GNAQ: variants seen among roughly 807,000 people sequenced by gnomAD.
GNAQ encodes the protein guanine nucleotide-binding protein G(q) subunit alpha.
GNAQ carries 8 observed loss-of-function variants against 43.9 expected under a neutral mutation model. The ratio of observed to expected loss-of-function variants is 0.18; its 90% CI spans 0.11 to 0.33. GNAQ has a LOEUF of 0.33. Ranked by LOEUF, GNAQ falls within the 10% of genes least tolerant of loss-of-function variation. GNAQ has a pLI of 1.00. For missense variants in GNAQ, 158 were observed against 450.8 expected (o/e 0.35, Z 5.88); for synonymous variants, 155 against 170.7 (o/e 0.91, Z 0.71).
chr9:77,999,851 C>A (rs1361285430), intron 1 of GNAQ, among the ~76,000 whole-genome samples: 1 of 152,098 alleles, frequency 6.6e-6, no homozygotes, highest in East Asian at 1.9e-4. Context: ...GAGGAAAGAA[C>A]AACTTCCTAT....
chr9:77,777,559 C>T (rs1013926766), intron 5 of GNAQ, among the ~76,000 whole-genome samples: 2 of 151,962 alleles, frequency 1.3e-5, no homozygotes, highest in African/African-American at 4.8e-5. Context: ...GAAATCCCTA[C>T]AGAATATAAT....
intron 5 of GNAQ, among the ~76,000 whole-genome samples, chr9:77,776,052 A>G (rs1230363045): frequency 6.6e-6 from 1 of 152,228 alleles, no homozygotes; most frequent in East Asian, 1.9e-4. Context: ...GTCAATATCA[A>G]CTTTTTCAGA....
At chr9:77,912,752 T>C (rs181295289) in intron 2 of GNAQ, among the ~76,000 whole-genome samples, 2 of 152,266 alleles carry the variant, frequency 1.3e-5, no homozygotes, top group African/African-American at 4.8e-5. Context: ...GATAACCAAA[T>C]AGCCAGTAAA....
At chr9:77,819,064 C>T (rs1827068982) in intron 2 of GNAQ, among the ~76,000 whole-genome samples, 1 of 125,540 alleles carries the variant, frequency 8.0e-6, no homozygotes, top group Non-Finnish European at 1.7e-5. Flanking sequence ...TAATGAATCA[C>T]ATAAACAAAA....
intron 2 of GNAQ, among the ~76,000 whole-genome samples, chr9:77,823,906 A>T (rs1827152761): frequency 6.6e-6 from 1 of 152,216 alleles, no homozygotes; most frequent in Non-Finnish European, 1.5e-5. Flanking sequence ...TGACCAGCAA[A>T]TCTATTTTAT....
At chr9:77,960,273 T>C (rs1823091184) in intron 1 of GNAQ, among the ~76,000 whole-genome samples, 1 of 152,210 alleles carries the variant, frequency 6.6e-6, no homozygotes, top group African/African-American at 2.4e-5. Flanking sequence ...GGACTGATAT[T>C]GTTTGGTCAT....
rs75395914 is a variant in GNAQ, at chr9:77,964,360, A to G, written c.137-42015T>C. Among the ~76,000 whole-genome samples, 1,364 of 152,284 alleles carry G rather than the reference A, an allele frequency of 9.0e-3. 18 individuals carry two copies. The highest frequency in any genetic ancestry group is 0.031 in the African/African-American group (1,298 of 41,552). On this transcript the variant is annotated intron_variant, in intron 1 of 6. Coordinates refer to ENST00000286548, the MANE Select transcript of GNAQ (RefSeq NM_002072.5). ...ATACCCCTTTCTCAATACTTAATAG[A>G]TCAAGTAGAGAGAAAAGCAATAAAC...
At chr9:77,852,296 T>C (rs1411392460) in intron 2 of GNAQ, among the ~76,000 whole-genome samples, 1 of 152,242 alleles carries the variant, frequency 6.6e-6, no homozygotes, top group African/African-American at 2.4e-5. Flanking sequence ...TCTCAGTGCC[T>C]GCAGTGACGT....
At chr9:77,740,986 C>G (rs900127222) in intron 5 of GNAQ, among the ~76,000 whole-genome samples, 1 of 152,176 alleles carries the variant, frequency 6.6e-6, no homozygotes, top group African/African-American at 2.4e-5. Context: ...ATGAGTGTGG[C>G]TGGGTTCCAA....
intron 5 of GNAQ, among the ~76,000 whole-genome samples, chr9:77,765,367 T>TA (rs755221374): frequency 1.3e-5 from 2 of 152,178 alleles, no homozygotes; most frequent in Non-Finnish European, 2.9e-5. Context: ...ACATATCTGA[T>TA]AAGGGTTTAA....
chr9:77,936,965 T>C (rs1228571247), intron 1 of GNAQ, among the ~76,000 whole-genome samples: 1 of 152,260 alleles, frequency 6.6e-6, no homozygotes, highest in East Asian at 1.9e-4. Flanking sequence ...TGAAGTATTC[T>C]TCTTTCTTTT....
At chr9:78,010,772 G>C (rs1823764298) in intron 1 of GNAQ, among the ~76,000 whole-genome samples, 1 of 151,550 alleles carries the variant, frequency 6.6e-6, no homozygotes, top group Admixed American at 6.6e-5. Flanking sequence ...AACAGAAGCG[G>C]CTGAGTCTAC....
chr9:77,837,566 A>AT (rs1225464592), intron 2 of GNAQ, among the ~76,000 whole-genome samples: 6 of 151,860 alleles, frequency 4.0e-5, no homozygotes, highest in African/African-American at 9.7e-5. Context: ...AAATAAATAG[A>AT]TTTTTTTTAA....
intron 2 of GNAQ, among the ~76,000 whole-genome samples, chr9:77,919,250 T>A (rs1406022533): frequency 6.6e-6 from 1 of 152,132 alleles, no homozygotes; most frequent in Non-Finnish European, 1.5e-5. Flanking sequence ...AAAAGATGTA[T>A]TTTTTGAGCA....
At chr9:77,926,892 T>C (rs766841327) in intron 1 of GNAQ, among the ~76,000 whole-genome samples, 3 of 152,186 alleles carry the variant, frequency 2.0e-5, no homozygotes, top group Non-Finnish European at 4.4e-5. Flanking sequence ...GTGTGCGTAA[T>C]TGGCTATAAG....
At chr9:77,871,060 C>T (rs1828033023) in intron 2 of GNAQ, among the ~76,000 whole-genome samples, 1 of 152,162 alleles carries the variant, frequency 6.6e-6, no homozygotes, top group Admixed American at 6.5e-5. Flanking sequence ...TTTGTCATAA[C>T]ACCTCACAGT....
intron 5 of GNAQ, among the ~76,000 whole-genome samples, chr9:77,741,044 G>A (rs1825646165): frequency 6.6e-6 from 1 of 152,180 alleles, no homozygotes; most frequent in Non-Finnish European, 1.5e-5. Context: ...TAATTTTCAT[G>A]TGTCATAAAA....
intron 1 of GNAQ, among the ~76,000 whole-genome samples, chr9:77,925,704 A>G (rs1829062328): frequency 6.6e-6 from 1 of 152,180 alleles, no homozygotes; most frequent in Admixed American, 6.5e-5. Context: ...GTATGATGCA[A>G]ATATTGTAGG....
intron 2 of GNAQ, among the ~76,000 whole-genome samples, chr9:77,874,920 C>G (rs1205481509): frequency 1.3e-5 from 2 of 151,854 alleles, no homozygotes; most frequent in African/African-American, 2.4e-5. Flanking sequence ...CTCACATGGC[C>G]TTACCTAAAG....
Sources: gnomAD v4.1 joint callset for allele counts (sites outside exome capture counted in the v4.1 genomes callset) on GRCh38, gnomAD v4.1.1 for gene constraint, MANE v1.5 for transcripts, NCBI Gene and HGNC (gene_info 2026-07-23, HGNC 2026-07-21) for gene names.